The following GABRG3 variants were observed in gnomAD, a reference collection of about 807,000 sequenced individuals.
GABRG3 encodes gamma-aminobutyric acid receptor subunit gamma-3.
A neutral mutation model predicts 48.8 loss-of-function variants in GABRG3; 25 were observed. The ratio of observed to expected loss-of-function variants is 0.51; its 90% CI spans 0.37 to 0.72. The LOEUF (loss-of-function observed/expected upper bound fraction) is 0.72, where lower values mean the gene tolerates loss of function less well. Among genes scored for constraint, GABRG3 ranks in the 30% least tolerant of loss-of-function variants. The pLI, the probability that GABRG3 is intolerant of heterozygous loss-of-function variation, is 0.00. For synonymous variants in GABRG3, 227 were observed against 217.6 expected (o/e 1.04, Z -0.38); for missense variants, 394 against 577.9 (o/e 0.68, Z 3.26).
intron 2 of GABRG3, among the ~76,000 whole-genome samples, chr15:26,997,719 C>T (rs1895367570): frequency 6.6e-6 from 1 of 152,180 alleles, no homozygotes; most frequent in African/African-American, 2.4e-5. Flanking sequence ...AGATTTTTCT[C>T]TTTATCAATG....
chr15:27,501,164 G>A (rs1890625137), intron 6 of GABRG3, among the ~76,000 whole-genome samples: 1 of 152,052 alleles, frequency 6.6e-6, no homozygotes, highest in South Asian at 2.1e-4. Context: ...TGTTAACCAG[G>A]ATGGTCTCGA....
chr15:27,266,049 T>A (rs1223737011), intron 3 of GABRG3, among the ~76,000 whole-genome samples: 1 of 151,876 alleles, frequency 6.6e-6, no homozygotes, highest in African/African-American at 2.4e-5. Context: ...CCTGGCTAAT[T>A]TTATATTTTT....
At chr15:27,056,102 C>G (rs1470681456) in intron 3 of GABRG3, among the ~76,000 whole-genome samples, 1 of 151,918 alleles carries the variant, frequency 6.6e-6, no homozygotes. Flanking sequence ...GTAATCCTAG[C>G]ACTTTGGGAG....
intron 5 of GABRG3, among the ~76,000 whole-genome samples, chr15:27,333,341 G>T (rs1022863499): frequency 8.5e-5 from 13 of 152,118 alleles, no homozygotes; most frequent in African/African-American, 2.9e-4. Context: ...CACCATTGCC[G>T]CCTGGAGTCT....
chr15:27,014,788 G>T (rs1167587480), intron 2 of GABRG3, among the ~76,000 whole-genome samples: 2 of 152,070 alleles, frequency 1.3e-5, no homozygotes. Flanking sequence ...AGGTCCAGTT[G>T]GTTTGTAGTG....
At chr15:27,051,441 A>G (rs1344532891) in intron 3 of GABRG3, among the ~76,000 whole-genome samples, 1 of 152,220 alleles carries the variant, frequency 6.6e-6, no homozygotes, top group Non-Finnish European at 1.5e-5. Context: ...CTCCCCCAAA[A>G]TGCATCTGTT....
At chr15:27,263,255 A>G (rs1256041194) in intron 3 of GABRG3, among the ~76,000 whole-genome samples, 1 of 152,220 alleles carries the variant, frequency 6.6e-6, no homozygotes, top group Non-Finnish European at 1.5e-5. Flanking sequence ...TACAGCCAGA[A>G]TCTTGTTTTC....
intron 3 of GABRG3, among the ~76,000 whole-genome samples, chr15:27,247,244 C>T (rs1295084056): frequency 6.6e-6 from 1 of 152,106 alleles, no homozygotes; most frequent in African/African-American, 2.4e-5. Context: ...CTTGCCCACT[C>T]ATCTTTAAAA....
At chr15:27,187,884 C>G (rs1406963074) in intron 3 of GABRG3, among the ~76,000 whole-genome samples, 1 of 126,108 alleles carries the variant, frequency 7.9e-6, no homozygotes. Context: ...CCCCTCCCCC[C>G]ACCCCACAAC....
chr15:27,327,070 A>G (rs1175835791), intron 4 of GABRG3, 41 bp downstream of exon 4: 4 of 1,521,636 alleles, frequency 2.6e-6, no homozygotes, highest in South Asian at 2.3e-5. Flanking sequence ...CTGGTTTAAA[A>G]TGGGATCCTT....
In GABRG3 at chr15:27,342,889, G is replaced by A. The variant is rs545579882; in HGVS notation, c.574+14001G>A. 2.0e-5 allele frequency among the ~76,000 whole-genome samples: 3 copies of A among 152,314 alleles called. No homozygotes were observed. In the South Asian group the frequency reaches 6.2e-4, roughly 32 times the overall value. On this transcript the variant is annotated intron_variant, in intron 5 of 9. Coordinates refer to ENST00000615808, the MANE Select transcript of GABRG3 (RefSeq NM_033223.5). ...AGTCTGGACTCTTGAGAAGCTTCAC[G>A]TTGTTGCCCATTCTGCTCAGAGCTT...
In GABRG3 at chr15:27,398,666, G is replaced by GCACACACA. The variant is rs111910385; in HGVS notation, c.574+69794_574+69801dup. On this transcript the variant is annotated intron_variant, in intron 5 of 9. Transcript: ENST00000615808. ...TGGGTAGGGGAGATGACAAGCGCGC[G>GCACACACA]CACACACACACACACACACACACCC... is the stretch of plus-strand genomic sequence containing the variant. 1.0e-4 allele frequency among the ~76,000 whole-genome samples: 15 copies of GCACACACA among 147,306 alleles called. No homozygotes were observed. The East Asian group carries it at 1.2e-3, about 12-fold the overall frequency.
At chr15:27,350,005 T>C (rs1894505722) in intron 5 of GABRG3, 3 of 435,986 alleles carry the variant, frequency 6.9e-6, no homozygotes, top group African/African-American at 4.1e-5. Flanking sequence ...TTCTGGCTAC[T>C]TAAATAGTAG....
chr15:27,078,653 G>A (rs1453627268), intron 3 of GABRG3, among the ~76,000 whole-genome samples: 5 of 152,160 alleles, frequency 3.3e-5, no homozygotes, highest in Admixed American at 1.3e-4. Context: ...GGGGCTCCTC[G>A]TCTTTAAAGA....
Position 27,534,532 on chromosome 15 carries a change from C to T in GABRG3, c.*1651C>T, listed in dbSNP as rs569690353. The T allele has an allele frequency of 6.6e-6, 1 of 152,362 alleles. No homozygotes were observed. Among genetic ancestry groups the T allele is most frequent in the East Asian group, 1.9e-4 (1 of 5,176 alleles). The allele number at this position is 152,362 out of a possible 1,614,324, so 9.4% of individuals were successfully genotyped here. On this transcript the variant is annotated 3_prime_UTR_variant, in exon 10 of 10. Transcript: ENST00000615808. The stretch of plus-strand genomic sequence containing the variant: ...TTGAAACCAGAATCTCTGTGCTTCT[C>T]ATCTTTCTCACATAGAAAACTGAAT...
At chr15:27,449,224 A>G (rs1457352688) in intron 5 of GABRG3, among the ~76,000 whole-genome samples, 1 of 152,100 alleles carries the variant, frequency 6.6e-6, no homozygotes, top group Non-Finnish European at 1.5e-5. Context: ...GCATACTCGC[A>G]CTGGAATGTT....
At chr15:27,176,360 AGT>A (rs1887746370) in intron 3 of GABRG3, among the ~76,000 whole-genome samples, 1 of 152,194 alleles carries the variant, frequency 6.6e-6, no homozygotes, top group Non-Finnish European at 1.5e-5. Flanking sequence ...TAAAAGTAAT[AGT>A]ATTTCTTTTC....
In GABRG3 at chr15:27,533,963, A is replaced by G. The variant is rs1490155039; in HGVS notation, c.*1082A>G. 1 of 152,034 alleles carries G rather than the reference A, an allele frequency of 6.6e-6. No individual in the cohort carries two copies. The highest frequency in any genetic ancestry group is 6.6e-5 in the Admixed American group (1 of 15,264). The allele number at this position is 152,034 out of a possible 1,614,324, so 9.4% of individuals were successfully genotyped here. A position where few individuals can be genotyped will look rare whatever the true frequency, so the allele number is the denominator to read the frequency against. ...AGCGATTTTCCTGCCTCAGTTTCCC[A>G]AGTGGCTGGGACTACAGGTGTGCGC... is the stretch of plus-strand genomic sequence containing the variant. On this transcript the variant is annotated 3_prime_UTR_variant, in exon 10 of 10. Coordinates refer to ENST00000615808, the MANE Select transcript of GABRG3 (RefSeq NM_033223.5).
intron 3 of GABRG3, among the ~76,000 whole-genome samples, chr15:27,259,557 C>A (rs1272201147): frequency 1.3e-5 from 2 of 152,140 alleles, no homozygotes; most frequent in Admixed American, 1.3e-4. Flanking sequence ...AATTCCAGGG[C>A]AGCAAGGTCC....
Sources: allele counts gnomAD v4.1 joint callset (sites outside exome capture counted in the v4.1 genomes callset), GRCh38; gene constraint gnomAD v4.1.1; transcripts MANE v1.5; gene names NCBI Gene and HGNC (gene_info 2026-07-23, HGNC 2026-07-21).